SUFU: variants seen among roughly 807,000 people sequenced by gnomAD.
The protein encoded by SUFU is suppressor of fused homolog.
A neutral mutation model predicts 58.9 loss-of-function variants in SUFU; 7 were observed. The observed-to-expected ratio is 0.12, with a 90% CI of 0.07 to 0.22. SUFU has a LOEUF of 0.22. SUFU is among the 10% of genes least tolerant of loss of function. The probability of loss-of-function intolerance (pLI) is 1.00; values close to 1 mark genes in which losing one functional copy is unlikely to be tolerated. For missense variants in SUFU, 451 were observed against 641.3 expected (o/e 0.70, Z 3.20); for synonymous variants, 232 against 254.8 (o/e 0.91, Z 0.85).
At position 102,530,729 on chromosome 10, in the gene SUFU, C is replaced by T. The variant is rs866402551; in HGVS notation, c.318-19241C>T. 3.3e-5 allele frequency among the ~76,000 whole-genome samples: 5 copies of T among 151,982 alleles called. No individual in the cohort carries two copies. The South Asian group carries it at 1.0e-3, about 32-fold the overall frequency. ...TCGGCCTCCCAAAGTACTGGGATTA[C>T]AGGTGTGAGCCACCATGTCTGGCCT... On this transcript the variant is annotated intron_variant, in intron 2 of 11. Coordinates refer to ENST00000369902, the MANE Select transcript of SUFU (RefSeq NM_016169.4).
chr10:102,544,148 T>C (rs1016047320), intron 2 of SUFU, among the ~76,000 whole-genome samples: 13 of 152,190 alleles, frequency 8.5e-5, no homozygotes, highest in Non-Finnish European at 2.9e-5. Context: ...GTTCTAGCTC[T>C]ATCACTTGTT....
At chr10:102,549,701 A>G (rs575106006) in intron 2 of SUFU, among the ~76,000 whole-genome samples, 65 of 152,138 alleles carry the variant, frequency 4.3e-4, no homozygotes, top group Non-Finnish European at 7.4e-4. Flanking sequence ...AAAATTTGGA[A>G]CTCATAATTC....
At position 102,617,195 on chromosome 10, in the gene SUFU, A is replaced by G; in HGVS notation, c.1158-95A>G. 1.3e-6 allele frequency: 2 copies of G among 1,566,986 alleles called. No individual in the cohort carries two copies. Among genetic ancestry groups the G allele is most frequent in the Non-Finnish European group, 1.8e-6 (2 of 1,140,786 alleles). On this transcript the variant is annotated intron_variant, in intron 9 of 11. Coordinates refer to ENST00000369902, the MANE Select transcript of SUFU (RefSeq NM_016169.4). The surrounding 1 kb of genome is among the most constrained non-coding windows in gnomAD (Gnocchi z 4.4). Reference sequence around the variant, plus strand: ...GGGCATGTTACCTGGCCCGCGGACCATAGTCCCCACTGTCCCAGAGCCTTG... The same window carrying G: ...GGGCATGTTACCTGGCCCGCGGACCGTAGTCCCCACTGTCCCAGAGCCTTG...
chr10:102,627,325 A>T, intron 11 of SUFU, 82 bp downstream of exon 11: 1 of 1,256,596 alleles, frequency 8.0e-7, no homozygotes, highest in African/African-American at 1.5e-5. Context: ...CTGTGCATGC[A>T]TGTGTGCGTG....
chr10:102,611,668 T>C (rs2063624605), intron 8 of SUFU, among the ~76,000 whole-genome samples: 1 of 152,244 alleles, frequency 6.6e-6, no homozygotes, highest in Non-Finnish European at 1.5e-5. Flanking sequence ...TTGTCAGATA[T>C]ATTGTGAGCA....
At chr10:102,568,924 A>G (rs1488914839) in intron 3 of SUFU, among the ~76,000 whole-genome samples, 1 of 17,434 alleles carries the variant, frequency 5.7e-5, no homozygotes, top group African/African-American at 3.5e-4. Context: ...ATATATACAC[A>G]TATATATATA....
chr10:102,584,066 G>C (rs1260080160), intron 3 of SUFU, among the ~76,000 whole-genome samples: 1 of 152,208 alleles, frequency 6.6e-6, no homozygotes, highest in Non-Finnish European at 1.5e-5. Flanking sequence ...GAGAGTATCT[G>C]TACTGTATTC....
At chr10:102,524,972 C>T (rs1410728655) in intron 2 of SUFU, among the ~76,000 whole-genome samples, 1 of 152,216 alleles carries the variant, frequency 6.6e-6, no homozygotes, top group Non-Finnish European at 1.5e-5. Flanking sequence ...TTCAAGAGCA[C>T]TTCTTCAGTT....
At chr10:102,526,740 C>T (rs899606635) in intron 2 of SUFU, among the ~76,000 whole-genome samples, 6 of 151,978 alleles carry the variant, frequency 3.9e-5, no homozygotes, top group African/African-American at 9.7e-5. Context: ...CTAGGGCCAC[C>T]GTTCACATTA....
At chr10:102,603,525 G>A (rs937183452) in intron 8 of SUFU, among the ~76,000 whole-genome samples, 1 of 152,202 alleles carries the variant, frequency 6.6e-6, no homozygotes, top group Non-Finnish European at 1.5e-5. Context: ...CTGACTATGG[G>A]AGAAGCACTT....
chr10:102,582,142 C>T (rs1384886091), intron 3 of SUFU, among the ~76,000 whole-genome samples: 7 of 152,154 alleles, frequency 4.6e-5, no homozygotes, highest in African/African-American at 1.4e-4. Flanking sequence ...CCAAGCTTCA[C>T]GCTCCTGGGC....
intron 3 of SUFU, among the ~76,000 whole-genome samples, chr10:102,587,116 G>A (rs1750615): frequency 6.6e-6 from 1 of 152,086 alleles, no homozygotes; most frequent in Non-Finnish European, 1.5e-5. Flanking sequence ...ATGGACATTT[G>A]GGTTGTTTCC....
At chr10:102,535,313 C>T (rs371336080) in intron 2 of SUFU, among the ~76,000 whole-genome samples, 1 of 151,868 alleles carries the variant, frequency 6.6e-6, no homozygotes, top group Non-Finnish European at 1.5e-5. Context: ...GGAGAAACCT[C>T]GTCTCTACTA....
At chr10:102,599,357 A>G (rs1590067889) in intron 7 of SUFU, 76 bp from the exon 8 acceptor site, 6 of 1,136,460 alleles carry the variant, frequency 5.3e-6, no homozygotes, top group Non-Finnish European at 8.0e-6. Flanking sequence ...ACCTCTGCTG[A>G]GCCAGGTTTC....
chr10:102,561,667 C>CTTTTTTTT (rs34738568), intron 3 of SUFU, among the ~76,000 whole-genome samples: 2 of 110,618 alleles, frequency 1.8e-5, no homozygotes, highest in African/African-American at 3.5e-5. Context: ...GACCAGCAAG[C>CTTTTTTTT]TTTTTTTTTT....
intron 3 of SUFU, among the ~76,000 whole-genome samples, chr10:102,588,178 C>T (rs1241493603): frequency 2.0e-5 from 3 of 152,100 alleles, no homozygotes; most frequent in Non-Finnish European, 2.9e-5. Context: ...ACGCGGATCA[C>T]GAGGTCAGGA....
rs773314834 is a variant in SUFU at position 102,619,022 on chromosome 10, TC to T, written c.1296+1598del. ...TCCTGGGACAGTCGGGACTGGGGCC[TC>T]CCCAAACTGCAGAATCTACCCAGTT... On this transcript the variant is annotated intron_variant, in intron 10 of 11. Transcript: ENST00000369902. The surrounding 1 kb of genome is among the most constrained non-coding windows in gnomAD (Gnocchi z 4.2). 6.3e-7 allele frequency: 1 copy of T among 1,592,802 alleles called. No individual in the cohort carries two copies. The highest frequency in any genetic ancestry group is 8.6e-7 in the Non-Finnish European group (1 of 1,168,504).
chr10:102,584,230 G>A (rs943260536), intron 3 of SUFU, among the ~76,000 whole-genome samples: 3 of 152,174 alleles, frequency 2.0e-5, no homozygotes, highest in African/African-American at 7.2e-5. Context: ...TCCCAACTCC[G>A]AAGTTCACCA....
At chr10:102,568,570 T>G (rs1175767821) in intron 3 of SUFU, among the ~76,000 whole-genome samples, 1 of 152,092 alleles carries the variant, frequency 6.6e-6, no homozygotes, top group Non-Finnish European at 1.5e-5. Flanking sequence ...TGGAAGTCTT[T>G]CTAGCTAAGT....
Sources: gnomAD v4.1 joint callset for allele counts (sites outside exome capture counted in the v4.1 genomes callset) on GRCh38, gnomAD v4.1.1 for gene constraint, Gnocchi (gnomAD v3.1) non-coding constraint, MANE v1.5 for transcripts, NCBI Gene and HGNC (gene_info 2026-07-23, HGNC 2026-07-21) for gene names.